The following SGCZ variants were observed in gnomAD, a reference collection of about 807,000 sequenced individuals.
SGCZ encodes the protein sarcoglycan zeta, also known as zeta-sarcoglycan.
Under a neutral mutation model 41.3 loss-of-function variants are expected in SGCZ, and 40 were observed. That is an observed-to-expected ratio of 0.97 (90% CI 0.75 to 1.26). The LOEUF (loss-of-function observed/expected upper bound fraction) is 1.26, where lower values mean the gene tolerates loss of function less well. Ranked by LOEUF, SGCZ falls within the 50% of genes most tolerant of loss-of-function variation. SGCZ has a pLI of 0.00. For synonymous variants in SGCZ, 206 were observed against 137.5 expected, an observed-to-expected ratio of 1.50 and a Z score of -3.49; for missense variants, 552 against 369.8, an observed-to-expected ratio of 1.49 and a Z score of -4.04.
At chr8:14,384,684 C>A (rs957842046) in intron 2 of SGCZ, among the ~76,000 whole-genome samples, 4 of 152,102 alleles carry the variant, frequency 2.6e-5, no homozygotes, top group Non-Finnish European at 4.4e-5. Context: ...CTCAGCCACC[C>A]TAGTAGCTGG....
intron 1 of SGCZ, among the ~76,000 whole-genome samples, chr8:14,616,565 C>G (rs905321635): frequency 7.9e-5 from 12 of 152,028 alleles, no homozygotes; most frequent in African/African-American, 2.9e-4. Context: ...ATAAAAACTA[C>G]CTAAAACATC....
chr8:14,859,519 C>T lies in SGCZ; in HGVS notation c.40-304593G>A, dbSNP rs180952482. On this transcript the variant is annotated intron_variant, in intron 1 of 7. Transcript: ENST00000382080. The stretch of plus-strand genomic sequence containing the variant: ...CTTTGGAAGACTACACTCCCCAAAT[C>T]CCAGCCCTGATCCATACAGTAAGAT... 4.0e-3 allele frequency among the ~76,000 whole-genome samples: 611 copies of T among 152,226 alleles called. 4 individuals carry two copies. Among genetic ancestry groups the T allele is most frequent in the South Asian group, 0.018 (88 of 4,826 alleles).
intron 6 of SGCZ, among the ~76,000 whole-genome samples, chr8:14,105,345 G>T (rs1173308080): frequency 1.4e-4 from 21 of 151,984 alleles, no homozygotes; most frequent in Non-Finnish European, 2.9e-4. Context: ...CTTTTGAAAT[G>T]TATTTCTTTT....
chr8:14,559,931 C>T (rs1045220757), intron 1 of SGCZ, among the ~76,000 whole-genome samples: 1 of 151,974 alleles, frequency 6.6e-6, no homozygotes, highest in African/African-American at 2.4e-5. Context: ...AGATGTGAAA[C>T]CCATTATGTT....
chr8:14,738,360 C>A (rs1473053021), intron 1 of SGCZ, among the ~76,000 whole-genome samples: 1 of 152,058 alleles, frequency 6.6e-6, no homozygotes, highest in Non-Finnish European at 1.5e-5. Context: ...CTAAACCACT[C>A]TCAAAGATTC....
chr8:14,949,202 T>C (rs1800550183), intron 1 of SGCZ, among the ~76,000 whole-genome samples: 1 of 152,182 alleles, frequency 6.6e-6, no homozygotes, highest in Non-Finnish European at 1.5e-5. Context: ...TTCACATTTC[T>C]CTTTAAACTA....
Position 14,442,620 on chromosome 8 carries a change from G to T in SGCZ, c.234+112112C>A, listed in dbSNP as rs77900856. Among the ~76,000 whole-genome samples, 1,098 of 152,160 alleles carry T rather than the reference G, an allele frequency of 7.2e-3. 9 individuals are homozygous for T. The highest frequency in any genetic ancestry group is 0.011 in the Non-Finnish European group (728 of 67,986). ...AAGTTTTGTTCAAATTATGCTAATG[G>T]TCCCTTATATAGAGTTGATACTTTC... On this transcript the variant is annotated intron_variant, in intron 2 of 7. Coordinates refer to ENST00000382080, the MANE Select transcript of SGCZ (RefSeq NM_139167.4).
At chr8:14,727,377 G>T (rs1810089930) in intron 1 of SGCZ, among the ~76,000 whole-genome samples, 1 of 152,154 alleles carries the variant, frequency 6.6e-6, no homozygotes, top group Non-Finnish European at 1.5e-5. Context: ...ATTCATTGCT[G>T]CTGGGAAATT....
At chr8:15,234,884 T>C (rs1052975718) in intron 1 of SGCZ, among the ~76,000 whole-genome samples, 2 of 151,870 alleles carry the variant, frequency 1.3e-5, no homozygotes, top group Admixed American at 1.3e-4. Flanking sequence ...ATGACACTGA[T>C]CATCTAAAAC....
chr8:14,300,070 C>T (rs1268218293), intron 3 of SGCZ, among the ~76,000 whole-genome samples: 5 of 151,844 alleles, frequency 3.3e-5, no homozygotes. Flanking sequence ...ATTGTAATTG[C>T]TTGGGATTGG....
At chr8:14,319,169 C>T (rs1030142278) in intron 3 of SGCZ, among the ~76,000 whole-genome samples, 1 of 151,828 alleles carries the variant, frequency 6.6e-6, no homozygotes, top group Non-Finnish European at 1.5e-5. Flanking sequence ...AACTGAAAAG[C>T]TATTAAGTGG....
chr8:14,674,988 A>C (rs1808227807), intron 1 of SGCZ, among the ~76,000 whole-genome samples: 1 of 120,154 alleles, frequency 8.3e-6, no homozygotes, highest in Admixed American at 1.1e-4. Flanking sequence ...GTCCAGGCTG[A>C]AGTACAGTGG....
At chr8:15,165,539 C>T (rs950317905) in intron 1 of SGCZ, among the ~76,000 whole-genome samples, 3 of 152,110 alleles carry the variant, frequency 2.0e-5, no homozygotes, top group Non-Finnish European at 1.5e-5. Context: ...GAACTAACTA[C>T]CCCGCAACTA....
Position 14,645,351 on chromosome 8 carries a change from G to A in SGCZ, c.40-90425C>T, listed in dbSNP as rs975960267. On this transcript the variant is annotated intron_variant, in intron 1 of 7. Transcript: ENST00000382080. ...TTTTTACCATTATTATAAAATTGAA[G>A]GGAAAGTTTTCCTTTATTTTTGTAA... Among the ~76,000 whole-genome samples, 23 of 150,622 alleles carry A rather than the reference G, an allele frequency of 1.5e-4. 1 individual carries two copies. The highest frequency in any genetic ancestry group is 5.3e-4 in the African/African-American group (22 of 41,230).
At chr8:14,394,137 C>CCT (rs1804890080) in intron 2 of SGCZ, among the ~76,000 whole-genome samples, 1 of 139,000 alleles carries the variant, frequency 7.2e-6, no homozygotes, top group African/African-American at 3.1e-5. Flanking sequence ...CCCTACCGCC[C>CCT]CCCACCTTTT....
At chr8:14,710,696 C>G (rs1316964172) in intron 1 of SGCZ, among the ~76,000 whole-genome samples, 1 of 151,908 alleles carries the variant, frequency 6.6e-6, no homozygotes, top group Non-Finnish European at 1.5e-5. Flanking sequence ...TCAAAAAGAA[C>G]TATTTTTAAA....
intron 1 of SGCZ, among the ~76,000 whole-genome samples, chr8:14,657,028 T>C (rs534323916): frequency 6.6e-6 from 1 of 151,978 alleles, no homozygotes; most frequent in African/African-American, 2.4e-5. Context: ...TTAAAAAAAA[T>C]ATGCAGTGGG....
At chr8:14,551,560 T>TATATATATA (rs1803850982) in intron 2 of SGCZ, among the ~76,000 whole-genome samples, 4 of 19,334 alleles carry the variant, frequency 2.1e-4, no homozygotes, top group East Asian at 3.8e-3. Context: ...TAATATATAT[T>TATATATATA]ATATATATAA....
At chr8:15,144,813 C>T (rs1269530441) in intron 1 of SGCZ, among the ~76,000 whole-genome samples, 1 of 152,216 alleles carries the variant, frequency 6.6e-6, no homozygotes, top group Non-Finnish European at 1.5e-5. Flanking sequence ...GGAAAAGCAG[C>T]AGTGCTTAGG....
Sources: gnomAD v4.1 joint callset for allele counts (sites outside exome capture counted in the v4.1 genomes callset) on GRCh38, gnomAD v4.1.1 for gene constraint, MANE v1.5 for transcripts, NCBI Gene and HGNC (gene_info 2026-07-23, HGNC 2026-07-21) for gene names.